Variants in MYOF observed in about 807,000 individuals in gnomAD.
The protein encoded by MYOF is myoferlin, also known as fer-1-like 3, myoferlin.
In MYOF, 244 loss-of-function variants were observed where a neutral mutation model predicts 284.2. The observed-to-expected ratio is 0.86, with a 90% CI of 0.77 to 0.95. The LOEUF (loss-of-function observed/expected upper bound fraction) is 0.95. Ranked by LOEUF, MYOF falls within the 40% of genes least tolerant of loss-of-function variation. The probability of loss-of-function intolerance (pLI) is 0.00; values close to 1 mark genes in which losing one functional copy is unlikely to be tolerated. For missense variants in MYOF, 2,496 were observed against 2,560.6 expected (o/e 0.97, Z 0.54); for synonymous variants, 904 against 919.7 (o/e 0.98, Z 0.31).
At chr10:93,349,771 A>G (rs372699273) in intron 36 of MYOF, 37 bp downstream of exon 36, 3 of 1,600,190 alleles carry the variant, frequency 1.9e-6, no homozygotes, top group Non-Finnish European at 2.6e-6. Context: ...TTCATATTTC[A>G]ACGCGCATGG....
intron 48 of MYOF, among the ~76,000 whole-genome samples, chr10:93,321,825 T>C (rs571806196): frequency 6.6e-6 from 1 of 152,356 alleles, no homozygotes; most frequent in African/African-American, 2.4e-5. Context: ...TGGTATGTAA[T>C]ATAATACCCA....
chr10:93,349,806 A>G lies in MYOF; in HGVS notation c.4083+2T>C. On this transcript the variant is annotated splice_donor_variant, in intron 36 of 53. Coordinates refer to ENST00000359263, the MANE Select transcript of MYOF (RefSeq NM_013451.4). LOFTEE classifies it high-confidence loss of function. ...GGTGATCACAGAGAATCGATACTGT[A>G]CCACTTTCATGAAGAGAACAGAACT... 3.1e-6 allele frequency: 5 copies of G among 1,614,012 alleles called. No individual in the cohort carries two copies. Among genetic ancestry groups the G allele is most frequent in the Non-Finnish European group, 4.2e-6 (5 of 1,179,958 alleles).
At chr10:93,465,691 G>T (rs6583890) in intron 1 of MYOF, among the ~76,000 whole-genome samples, 144,950 of 152,094 alleles carry the variant, frequency 0.95, 69,462 homozygotes, top group East Asian at 1. Flanking sequence ...CTTTTTGTAT[G>T]TTGAGTAGAG....
At chr10:93,409,290 C>A (rs1478158993) in intron 6 of MYOF, among the ~76,000 whole-genome samples, 1 of 152,162 alleles carries the variant, frequency 6.6e-6, no homozygotes, top group Non-Finnish European at 1.5e-5. Context: ...GCGAAAAACA[C>A]AGTATTTGCG....
chr10:93,308,518 G>C (rs560982167), intron 53 of MYOF, among the ~76,000 whole-genome samples: 2 of 149,536 alleles, frequency 1.3e-5, no homozygotes, highest in African/African-American at 4.9e-5. Context: ...CTGGGAGGCG[G>C]AGGTTGCAGT....
chr10:93,451,522 C>T (rs548857033), intron 3 of MYOF, among the ~76,000 whole-genome samples: 1 of 151,986 alleles, frequency 6.6e-6, no homozygotes, highest in Non-Finnish European at 1.5e-5. Flanking sequence ...AGTGTCACCA[C>T]GGGCACCACC....
At chr10:93,429,577 T>C (rs962704656) in intron 4 of MYOF, among the ~76,000 whole-genome samples, 2 of 152,210 alleles carry the variant, frequency 1.3e-5, no homozygotes, top group African/African-American at 4.8e-5. Flanking sequence ...ATAGCCAACA[T>C]TTTAAATGTG....
chr10:93,399,522 A>G (rs368749013), intron 12 of MYOF, 27 bp from the exon 13 acceptor site: 396 of 1,530,748 alleles, frequency 2.6e-4, no homozygotes, highest in Non-Finnish European at 3.4e-4. Context: ...ATACAGCAGA[A>G]ATTAAATTCA....
intron 1 of MYOF, among the ~76,000 whole-genome samples, chr10:93,470,499 C>T (rs531142222): frequency 2.6e-5 from 4 of 151,734 alleles, no homozygotes; most frequent in Admixed American, 6.6e-5. Context: ...CTCCCAGGTT[C>T]GAGCCATTCT....
At chr10:93,464,653 C>T (rs1423789529) in intron 1 of MYOF, among the ~76,000 whole-genome samples, 1 of 152,086 alleles carries the variant, frequency 6.6e-6, no homozygotes, top group East Asian at 1.9e-4. Flanking sequence ...TGCATTCAGA[C>T]GAGATATATA....
At chr10:93,408,425 G>C (rs575465934) in intron 7 of MYOF, among the ~76,000 whole-genome samples, 136 of 151,634 alleles carry the variant, frequency 9.0e-4, no homozygotes, top group African/African-American at 3.1e-3. Context: ...TAATCCCAGC[G>C]ACTTGGGAGG....
intron 2 of MYOF, 125 bp downstream of exon 2, chr10:93,456,757 G>A (rs1339820770): frequency 5.8e-6 from 4 of 693,058 alleles, no homozygotes; most frequent in African/African-American, 1.8e-5. Flanking sequence ...AAAGGGAAAC[G>A]GAGTGGGTGG....
At chr10:93,380,328 A>G (rs1209951766) in intron 20 of MYOF, among the ~76,000 whole-genome samples, 2 of 152,228 alleles carry the variant, frequency 1.3e-5, no homozygotes, top group African/African-American at 4.8e-5. Flanking sequence ...TGAACATGTT[A>G]GTCCCTAAAA....
At chr10:93,451,769 T>C (rs1258854545) in intron 3 of MYOF, among the ~76,000 whole-genome samples, 1 of 152,144 alleles carries the variant, frequency 6.6e-6, no homozygotes, top group African/African-American at 2.4e-5. Flanking sequence ...CAAGAAGTTG[T>C]AGGCATGTGA....
At chr10:93,467,387 G>A (rs10160197) in intron 1 of MYOF, among the ~76,000 whole-genome samples, 141,203 of 148,050 alleles carry the variant, frequency 0.95, 67,698 homozygotes, top group East Asian at 1. Context: ...TCATTGTTCA[G>A]TTCCCACCTA....
intron 5 of MYOF, 71 bp downstream of exon 5, chr10:93,426,000 C>T: frequency 1.4e-6 from 2 of 1,437,508 alleles, no homozygotes; most frequent in Non-Finnish European, 1.9e-6. Flanking sequence ...AGGGTTTCTC[C>T]AGACACTCTC....
intron 7 of MYOF, among the ~76,000 whole-genome samples, chr10:93,404,494 T>C (rs1181324631): frequency 6.6e-6 from 1 of 152,062 alleles, no homozygotes; most frequent in Non-Finnish European, 1.5e-5. Context: ...GGGCTAGATA[T>C]CTAAAAGCTA....
intron 34 of MYOF, 52 bp downstream of exon 34, chr10:93,351,361 C>T: frequency 6.2e-7 from 1 of 1,609,576 alleles, no homozygotes; most frequent in Non-Finnish European, 8.5e-7. Context: ...CTAGAATTAA[C>T]ATGCATTTTA....
chr10:93,458,705 A>G (rs1204868179), intron 1 of MYOF, among the ~76,000 whole-genome samples: 1 of 152,170 alleles, frequency 6.6e-6, no homozygotes, highest in East Asian at 1.9e-4. Context: ...ACTCCAGCCT[A>G]AAGGATAGAG....
Sources: allele counts gnomAD v4.1 joint callset (sites outside exome capture counted in the v4.1 genomes callset), GRCh38; gene constraint gnomAD v4.1.1; transcripts MANE v1.5; gene names NCBI Gene and HGNC (gene_info 2026-07-23, HGNC 2026-07-21).